Variants in KDM4C observed in about 807,000 individuals in gnomAD.
The protein encoded by KDM4C is lysine demethylase 4C, also known as lysine-specific demethylase 4C.
A neutral mutation model predicts 129.3 loss-of-function variants in KDM4C; 81 were observed. The ratio of observed to expected loss-of-function variants is 0.63; its 90% confidence interval spans 0.52 to 0.75. The LOEUF is 0.75. Ranked by LOEUF, KDM4C falls within the 30% of genes least tolerant of loss-of-function variation. The pLI, the probability that KDM4C is intolerant of heterozygous loss-of-function variation, is 0.00. For synonymous variants in KDM4C, 573 were observed against 456.1 expected (o/e 1.26, Z -3.26); for missense variants, 1,457 against 1,304.0 (o/e 1.12, Z -1.81).
chr9:7,054,522 T>C (rs1830614381), intron 17 of KDM4C, among the ~76,000 whole-genome samples: 1 of 152,216 alleles, frequency 6.6e-6, no homozygotes, highest in South Asian at 2.1e-4. Flanking sequence ...ACTTTAGAGA[T>C]AACAAATGAT....
chr9:7,047,067 A>T (rs1564036981), intron 16 of KDM4C, 150 bp downstream of exon 16: 2 of 609,988 alleles, frequency 3.3e-6, no homozygotes, highest in Non-Finnish European at 5.8e-6. Flanking sequence ...TGCTTCAGAG[A>T]CTTCTACTGT....
At chr9:7,042,182 A>G (rs1828716964) in intron 15 of KDM4C, among the ~76,000 whole-genome samples, 1 of 152,072 alleles carries the variant, frequency 6.6e-6, no homozygotes, top group Non-Finnish European at 1.5e-5. Flanking sequence ...CTCTACAGAT[A>G]AAGTATCTGA....
At position 6,849,630 on chromosome 9, in the gene KDM4C, T is replaced by C; in HGVS notation, c.559T>C (p.Phe187Leu). 6.2e-7 allele frequency: 1 copy of C among 1,614,032 alleles called. No individual in the cohort carries two copies. Among genetic ancestry groups the C allele is most frequent in the Non-Finnish European group, 8.5e-7 (1 of 1,179,896 alleles). ...YLYFGMWKTTFAWHTEDMDLY... is the reference protein window; with the variant it reads ...YLYFGMWKTTLAWHTEDMDLY... ...CTATTTTGGCATGTGGAAGACCACG[T>C]TTGCATGGCACACCGAAGACATGGA... Residue 187 changes from phenylalanine (F) to leucine (L), a missense_variant, in exon 5 of 22, where the codon TTT becomes CTT. By Grantham distance (22) the Phe-to-Leu change is conservative. Transcript: ENST00000381309.
At chr9:7,023,808 C>CAA (rs1169451716) in intron 15 of KDM4C, among the ~76,000 whole-genome samples, 1 of 152,070 alleles carries the variant, frequency 6.6e-6, no homozygotes, top group East Asian at 1.9e-4. Context: ...TGCTGTATCC[C>CAA]ATAGATTTTG....
At chr9:7,076,512 C>T in intron 17 of KDM4C, 2 of 1,547,286 alleles carry the variant, frequency 1.3e-6, no homozygotes, top group African/African-American at 1.4e-5. Flanking sequence ...AACATCAATT[C>T]ATTAGGAAAG....
chr9:7,089,706 T>C (rs1835563959), intron 17 of KDM4C, among the ~76,000 whole-genome samples: 1 of 152,202 alleles, frequency 6.6e-6, no homozygotes, highest in South Asian at 2.1e-4. Context: ...AACCAAATTT[T>C]CCTTGCTTAA....
intron 21 of KDM4C, chr9:7,170,750 CT>C: frequency 1.0e-6 from 1 of 983,304 alleles, no homozygotes; most frequent in African/African-American, 1.7e-5. Context: ...TTATGATATA[CT>C]TGTCTGCAGT....
At chr9:7,126,608 G>A (rs574668459) in intron 18 of KDM4C, among the ~76,000 whole-genome samples, 4 of 152,266 alleles carry the variant, frequency 2.6e-5, no homozygotes, top group South Asian at 2.1e-4. Context: ...ATTGATATAC[G>A]CATGTGTGTA....
intron 1 of KDM4C, among the ~76,000 whole-genome samples, chr9:6,740,582 G>A (rs781399776): frequency 3.3e-5 from 5 of 151,648 alleles, no homozygotes; most frequent in East Asian, 2.0e-4. Flanking sequence ...GCAGTGGCAC[G>A]ATCTTGGCTC....
chr9:6,999,116 A>T (rs900277399), intron 12 of KDM4C, among the ~76,000 whole-genome samples: 3 of 152,244 alleles, frequency 2.0e-5, no homozygotes, highest in African/African-American at 7.2e-5. Flanking sequence ...ACTAGAAATC[A>T]AAGAGTTAGA....
chr9:7,169,197 G>GT (rs111546258), intron 20 of KDM4C, among the ~76,000 whole-genome samples: 3,677 of 152,212 alleles, frequency 0.024, 143 homozygotes, highest in African/African-American at 0.084. Context: ...ACAGTCTCAT[G>GT]TTTTGTGATT....
intron 7 of KDM4C, among the ~76,000 whole-genome samples, chr9:6,889,419 T>C (rs1019434364): frequency 6.6e-6 from 1 of 152,098 alleles, no homozygotes; most frequent in African/African-American, 2.4e-5. Flanking sequence ...TCGCACGTTT[T>C]TACCATGAAA....
At chr9:6,920,875 T>C (rs1484580271) in intron 8 of KDM4C, among the ~76,000 whole-genome samples, 4 of 152,140 alleles carry the variant, frequency 2.6e-5, no homozygotes, top group African/African-American at 9.7e-5. Flanking sequence ...CCTTGAGGTT[T>C]CTTCCCCTGC....
intron 18 of KDM4C, among the ~76,000 whole-genome samples, chr9:7,118,103 A>G (rs1432807780): frequency 3.3e-5 from 5 of 152,210 alleles, no homozygotes; most frequent in African/African-American, 1.2e-4. Context: ...AGGTGAGCTC[A>G]TGATTCAGAT....
At chr9:6,795,314 G>A (rs1428876383) in intron 2 of KDM4C, among the ~76,000 whole-genome samples, 1 of 151,936 alleles carries the variant, frequency 6.6e-6, no homozygotes, top group Non-Finnish European at 1.5e-5. Context: ...TAATTAGGTT[G>A]TATATATATA....
In KDM4C at chr9:7,131,715, G is replaced by T. The variant is rs150570525; in HGVS notation, c.2781+3479G>T. 1.6e-4 allele frequency among the ~76,000 whole-genome samples: 24 copies of T among 152,192 alleles called. No individual in the cohort carries two copies. The East Asian group carries it at 4.1e-3, about 26-fold the overall frequency. On this transcript the variant is annotated intron_variant, in intron 19 of 21. Transcript: ENST00000381309. ...CATCAGAACTGTTGTCTGGGAGATG[G>T]GTACCCTGCTCAGTACCCTAATGGA...
chr9:6,743,464 A>T (rs1198385570), intron 1 of KDM4C, among the ~76,000 whole-genome samples: 3 of 152,072 alleles, frequency 2.0e-5, no homozygotes, highest in African/African-American at 7.2e-5. Flanking sequence ...AACTGTTATT[A>T]AGTAAGGAGA....
At chr9:7,142,881 A>G (rs1419342577) in intron 19 of KDM4C, among the ~76,000 whole-genome samples, 4 of 152,160 alleles carry the variant, frequency 2.6e-5, no homozygotes, top group Admixed American at 1.3e-4. Context: ...GTGTACACAC[A>G]ATGTATTCAT....
chr9:6,956,427 G>T (rs1414334050), intron 8 of KDM4C, among the ~76,000 whole-genome samples: 2 of 152,112 alleles, frequency 1.3e-5, no homozygotes, highest in Admixed American at 6.5e-5. Flanking sequence ...TGTAATGTGG[G>T]TGCGGACGAA....
Sources: gnomAD v4.1 joint callset for allele counts (sites outside exome capture counted in the v4.1 genomes callset) on GRCh38, gnomAD v4.1.1 for gene constraint, MANE v1.5 for transcripts, NCBI Gene and HGNC (gene_info 2026-07-23, HGNC 2026-07-21) for gene names.